PDZRN4: variants seen among roughly 807,000 people sequenced by gnomAD.
PDZRN4 encodes PDZ domain-containing RING finger protein 4.
PDZRN4 carries 70 observed loss-of-function variants against 99.0 expected under a neutral mutation model. That is an observed-to-expected ratio of 0.71 (90% CI 0.58 to 0.86). PDZRN4 has a LOEUF of 0.86. Among genes scored for constraint, PDZRN4 ranks in the 40% least tolerant of loss-of-function variants. PDZRN4 has a pLI of 0.00. For missense variants in PDZRN4, 1,474 were observed against 1,331.2 expected (o/e 1.11, Z -1.67); for synonymous variants, 551 against 501.6 (o/e 1.10, Z -1.32).
intron 3 of PDZRN4, among the ~76,000 whole-genome samples, chr12:41,233,275 A>G (rs1178908723): frequency 6.6e-6 from 1 of 152,176 alleles, no homozygotes; most frequent in South Asian, 2.1e-4. Flanking sequence ...GATCATTAAA[A>G]AGTCAGGAAA....
chr12:41,376,411 A>G (rs1162549203), intron 3 of PDZRN4, among the ~76,000 whole-genome samples: 21 of 152,208 alleles, frequency 1.4e-4, no homozygotes, highest in Non-Finnish European at 1.3e-4. Flanking sequence ...TTTTTTAGAT[A>G]ATAGCCATCC....
intron 3 of PDZRN4, among the ~76,000 whole-genome samples, chr12:41,274,965 A>C (rs1401242722): frequency 1.3e-5 from 2 of 152,156 alleles, no homozygotes; most frequent in Non-Finnish European, 2.9e-5. Context: ...ATAATTAGGT[A>C]GATTCAGGCC....
At chr12:41,538,131 T>C (rs1938780407) in intron 5 of PDZRN4, among the ~76,000 whole-genome samples, 1 of 152,194 alleles carries the variant, frequency 6.6e-6, no homozygotes, top group African/African-American at 2.4e-5. Flanking sequence ...TTTAAAATAA[T>C]GCTTATTTTT....
At position 41,506,509 on chromosome 12, in the gene PDZRN4, T is replaced by A; in HGVS notation, c.897T>A (p.Phe299Leu). ...CTCATGAAGAGGCAGTGGAAGCTTT[T>A]CGCAATGCCAAGGAGCCCATTGTGG... The part of the protein sequence containing the change: ...KATHEEAVEA[F>L]RNAKEPIVVQ... The change falls in exon 4 of 10, where the codon TTT becomes TTA. Residue 299 changes from phenylalanine (F) to leucine (L), a missense_variant. Phe to Leu is a conservative substitution (Grantham distance 22). Transcript: ENST00000402685. The A allele has an allele frequency of 6.2e-7, 1 of 1,613,774 alleles. No homozygotes were observed. The highest frequency in any genetic ancestry group is 2.2e-5 in the East Asian group (1 of 44,836).
At chr12:41,342,703 G>C (rs1472024998) in intron 3 of PDZRN4, among the ~76,000 whole-genome samples, 3 of 151,680 alleles carry the variant, frequency 2.0e-5, no homozygotes, top group African/African-American at 7.2e-5. Context: ...AAAGACCAAA[G>C]AAAATATATA....
intron 3 of PDZRN4, among the ~76,000 whole-genome samples, chr12:41,440,933 C>T (rs940618520): frequency 6.6e-6 from 1 of 152,078 alleles, no homozygotes. Context: ...CCCATCTGGA[C>T]CAAGAGAGCT....
intron 3 of PDZRN4, among the ~76,000 whole-genome samples, chr12:41,454,240 C>T (rs1453186681): frequency 6.6e-6 from 1 of 152,154 alleles, no homozygotes; most frequent in Non-Finnish European, 1.5e-5. Flanking sequence ...CTCTGCAATA[C>T]TCACAACACA....
At chr12:41,350,078 T>C (rs566834275) in intron 3 of PDZRN4, among the ~76,000 whole-genome samples, 1 of 152,100 alleles carries the variant, frequency 6.6e-6, no homozygotes, top group Admixed American at 6.6e-5. Flanking sequence ...TAAGTGAGTC[T>C]TCCATCAGTT....
At chr12:41,552,175 T>C (rs770671023) in intron 5 of PDZRN4, among the ~76,000 whole-genome samples, 1 of 152,200 alleles carries the variant, frequency 6.6e-6, no homozygotes, top group Non-Finnish European at 1.5e-5. Flanking sequence ...TGTGTAGAAC[T>C]TCAGAGCAGA....
chr12:41,552,816 C>G (rs1317049858), intron 6 of PDZRN4, 62 bp downstream of exon 6: 2 of 1,297,064 alleles, frequency 1.5e-6, no homozygotes, highest in Non-Finnish European at 2.2e-6. Flanking sequence ...AGCGAAATGA[C>G]TCACAATGAG....
intron 3 of PDZRN4, among the ~76,000 whole-genome samples, chr12:41,465,690 G>A (rs1952917981): frequency 6.6e-6 from 1 of 152,128 alleles, no homozygotes; most frequent in South Asian, 2.1e-4. Flanking sequence ...TGGACAGTTG[G>A]GAACTAACCA....
rs12582987 is a variant in PDZRN4 at position 41,544,685 on chromosome 12, A to G, written c.1204-7971A>G. 3.3e-3 allele frequency among the ~76,000 whole-genome samples: 496 copies of G among 152,376 alleles called. 17 individuals carry two copies. In the East Asian group the frequency reaches 0.087, roughly 27 times the overall value. ...AAAAAAGAAAGAAAAATAAATGCTC[A>G]TAATTGCCAAGAAGCTACTAAGCAT... On this transcript the variant is annotated intron_variant, in intron 5 of 9. Transcript: ENST00000402685.
At chr12:41,255,086 G>T (rs534917717) in intron 3 of PDZRN4, among the ~76,000 whole-genome samples, 1 of 152,064 alleles carries the variant, frequency 6.6e-6, no homozygotes, top group Non-Finnish European at 1.5e-5. Flanking sequence ...AAAAGAAAAC[G>T]AAAGAGTTGG....
intron 5 of PDZRN4, among the ~76,000 whole-genome samples, chr12:41,540,677 T>G (rs1938834154): frequency 6.6e-6 from 1 of 152,198 alleles, no homozygotes; most frequent in Non-Finnish European, 1.5e-5. Flanking sequence ...CAAAAATTAG[T>G]TTTTGTTAAC....
chr12:41,458,603 AT>A (rs569661112), intron 3 of PDZRN4, among the ~76,000 whole-genome samples: 1 of 152,124 alleles, frequency 6.6e-6, no homozygotes, highest in African/African-American at 2.4e-5. Flanking sequence ...TAGTATAGCC[AT>A]TTTTTTGCCA....
intron 3 of PDZRN4, among the ~76,000 whole-genome samples, chr12:41,425,904 T>A (rs548113847): frequency 2.6e-5 from 4 of 152,268 alleles, no homozygotes; most frequent in African/African-American, 9.6e-5. Flanking sequence ...AATATGTGAT[T>A]TCTCTTTTGA....
intron 3 of PDZRN4, among the ~76,000 whole-genome samples, chr12:41,250,333 G>GT (rs2120806586): frequency 6.6e-6 from 1 of 152,210 alleles, no homozygotes; most frequent in East Asian, 1.9e-4. Flanking sequence ...TTCAAGAAAG[G>GT]TAAGAGTACT....
At chr12:41,220,567 A>G (rs1400876977) in intron 3 of PDZRN4, among the ~76,000 whole-genome samples, 1 of 152,134 alleles carries the variant, frequency 6.6e-6, no homozygotes, top group Non-Finnish European at 1.5e-5. Context: ...CATGATTTTA[A>G]AATAAGTGTT....
chr12:41,191,944 G>A (rs142749174), intron 2 of PDZRN4, among the ~76,000 whole-genome samples: 2,641 of 150,504 alleles, frequency 0.018, 42 homozygotes, highest in East Asian at 0.06. Flanking sequence ...CACCACACCC[G>A]GCTAATTTTT....
Sources: gnomAD v4.1 joint callset for allele counts (sites outside exome capture counted in the v4.1 genomes callset) on GRCh38, gnomAD v4.1.1 for gene constraint, MANE v1.5 for transcripts, NCBI Gene and HGNC (gene_info 2026-07-23, HGNC 2026-07-21) for gene names.